Variants in SLC2A13 observed in about 807,000 individuals in gnomAD.
The protein encoded by SLC2A13 is solute carrier family 2 member 13.
Under a neutral mutation model 64.4 loss-of-function variants are expected in SLC2A13, and 32 were observed. The observed-to-expected ratio is 0.50, with a 90% confidence interval of 0.37 to 0.67. The LOEUF is 0.67. SLC2A13 is among the 30% of genes least tolerant of loss of function. The pLI, the probability that SLC2A13 is intolerant of heterozygous loss-of-function variation, is 0.00. For synonymous variants in SLC2A13, 338 were observed against 327.1 expected, an observed-to-expected ratio of 1.03 and a Z score of -0.36; for missense variants, 743 against 829.2, an observed-to-expected ratio of 0.90 and a Z score of 1.28.
At chr12:40,045,052 T>A (rs1467726875) in intron 2 of SLC2A13, among the ~76,000 whole-genome samples, 1 of 152,146 alleles carries the variant, frequency 6.6e-6, no homozygotes, top group African/African-American at 2.4e-5. Context: ...TCCACTAACC[T>A]GTCAAGATTT....
intron 4 of SLC2A13, among the ~76,000 whole-genome samples, chr12:39,924,059 GAAATA>G (rs1467962787): frequency 6.6e-6 from 1 of 151,768 alleles, no homozygotes; most frequent in Non-Finnish European, 1.5e-5. Flanking sequence ...CAGTTAAAAC[GAAATA>G]AAATAAAAAA....
intron 4 of SLC2A13, among the ~76,000 whole-genome samples, chr12:39,886,186 A>G (rs1293691179): frequency 2.0e-5 from 3 of 152,192 alleles, no homozygotes; most frequent in Non-Finnish European, 2.9e-5. Flanking sequence ...CAGCAGAGGA[A>G]CTAGTTGAAC....
chr12:39,973,065 C>CTCAA (rs765102112), intron 3 of SLC2A13, among the ~76,000 whole-genome samples: 7 of 152,116 alleles, frequency 4.6e-5, no homozygotes, highest in East Asian at 1.9e-4. Context: ...AAAACTCCAT[C>CTCAA]TCAATCAATC....
chr12:39,801,866 G>C (rs190977309), intron 7 of SLC2A13, among the ~76,000 whole-genome samples: 1 of 152,176 alleles, frequency 6.6e-6, no homozygotes, highest in Admixed American at 6.6e-5. Flanking sequence ...AATTAGGAAA[G>C]CAGACATTAC....
intron 3 of SLC2A13, among the ~76,000 whole-genome samples, chr12:40,008,481 G>C (rs1029483502): frequency 1.3e-5 from 2 of 152,018 alleles, no homozygotes; most frequent in Non-Finnish European, 2.9e-5. Context: ...CATGGTGGTG[G>C]GCACCTGTAG....
chr12:39,977,302 C>T (rs1220792233), intron 3 of SLC2A13, among the ~76,000 whole-genome samples: 2 of 152,166 alleles, frequency 1.3e-5, no homozygotes, highest in Non-Finnish European at 2.9e-5. Flanking sequence ...TTATCTAACC[C>T]CAAACCCCTC....
chr12:39,820,310 A>G (rs1221463390), intron 7 of SLC2A13, among the ~76,000 whole-genome samples: 2 of 152,208 alleles, frequency 1.3e-5, no homozygotes, highest in African/African-American at 2.4e-5. Flanking sequence ...TTTCTTAGAA[A>G]TTATGAGCAC....
chr12:39,989,382 ATC>A (rs1228701201), intron 3 of SLC2A13, among the ~76,000 whole-genome samples: 2 of 152,156 alleles, frequency 1.3e-5, no homozygotes, highest in African/African-American at 4.8e-5. Flanking sequence ...TATCACCATT[ATC>A]TGTTAACATT....
chr12:39,836,030 A>G (rs1942994057), intron 6 of SLC2A13, among the ~76,000 whole-genome samples: 1 of 152,166 alleles, frequency 6.6e-6, no homozygotes, highest in African/African-American at 2.4e-5. Context: ...GAAAGCAACA[A>G]CAGCAGCAAG....
At chr12:40,071,901 A>G (rs1937974186) in intron 1 of SLC2A13, among the ~76,000 whole-genome samples, 1 of 151,992 alleles carries the variant, frequency 6.6e-6, no homozygotes, top group African/African-American at 2.4e-5. Flanking sequence ...TCCTCTATCA[A>G]TTTCCTGTTT....
At chr12:40,100,388 C>T (rs1939103873) in intron 1 of SLC2A13, among the ~76,000 whole-genome samples, 2 of 152,150 alleles carry the variant, frequency 1.3e-5, no homozygotes, top group South Asian at 4.1e-4. Flanking sequence ...AGAATAAATG[C>T]CAACACCAGG....
At chr12:39,896,262 G>GTGTGTATATACGTATACATATATGCATA (rs1944852993) in intron 4 of SLC2A13, among the ~76,000 whole-genome samples, 8 of 71,456 alleles carry the variant, frequency 1.1e-4, no homozygotes, top group Non-Finnish European at 1.8e-4. Context: ...GTATGTATAT[G>GTGTGTATATACGTATACATATATGCATA]TGTGTATATA....
chr12:39,987,660 A>C (rs976495317), intron 3 of SLC2A13, among the ~76,000 whole-genome samples: 15 of 152,208 alleles, frequency 9.9e-5, no homozygotes, highest in Admixed American at 6.5e-5. Flanking sequence ...TTACTTGAAA[A>C]GCTGCCAAAG....
chr12:39,784,061 C>G (rs1467774304), intron 7 of SLC2A13, among the ~76,000 whole-genome samples: 1 of 152,092 alleles, frequency 6.6e-6, no homozygotes, highest in African/African-American at 2.4e-5. Flanking sequence ...AACCACTGCT[C>G]AACGAAATAA....
intron 1 of SLC2A13, among the ~76,000 whole-genome samples, chr12:40,099,911 A>AC (rs991647694): frequency 2.5e-4 from 38 of 152,140 alleles, no homozygotes; most frequent in Non-Finnish European, 5.1e-4. Context: ...AAAAAAAAAA[A>AC]ATTTGAGCAC....
At chr12:39,771,544 G>A (rs570177805) in intron 7 of SLC2A13, among the ~76,000 whole-genome samples, 1 of 152,238 alleles carries the variant, frequency 6.6e-6, no homozygotes, top group African/African-American at 2.4e-5. Context: ...GAGCCTTAGA[G>A]GAAACCATAG....
At chr12:39,951,446 T>C (rs566215335) in intron 3 of SLC2A13, 81 bp from the exon 4 acceptor site, 2 of 1,112,642 alleles carry the variant, frequency 1.8e-6, no homozygotes, top group East Asian at 5.5e-5. Flanking sequence ...GGACAAATTT[T>C]CCTAAATCTT....
intron 4 of SLC2A13, among the ~76,000 whole-genome samples, chr12:39,902,626 C>T (rs1378863649): frequency 3.3e-5 from 5 of 151,962 alleles, no homozygotes; most frequent in South Asian, 2.1e-4. Context: ...AAAGATGTGT[C>T]TAAAGTAGTT....
At chr12:40,081,660 A>T (rs1938406509) in intron 1 of SLC2A13, among the ~76,000 whole-genome samples, 1 of 152,140 alleles carries the variant, frequency 6.6e-6, no homozygotes. Context: ...TTGCCATGCA[A>T]ATTCTGTATT....
Sources: allele counts gnomAD v4.1 joint callset (sites outside exome capture counted in the v4.1 genomes callset), GRCh38; gene constraint gnomAD v4.1.1; transcripts MANE v1.5; gene names NCBI Gene and HGNC (gene_info 2026-07-23, HGNC 2026-07-21).